Variants in NELL1 observed in about 807,000 individuals in gnomAD.
The protein encoded by NELL1 is protein kinase C-binding protein NELL1.
In NELL1, 76 loss-of-function variants were observed where a neutral mutation model predicts 107.4. The ratio of observed to expected loss-of-function variants is 0.71; its 90% confidence interval spans 0.59 to 0.86. The LOEUF (loss-of-function observed/expected upper bound fraction) is 0.86, where lower values mean the gene tolerates loss of function less well. NELL1 is among the 40% of genes least tolerant of loss of function. The pLI is 0.00. For missense variants in NELL1, 1,024 were observed against 1,005.5 expected, an observed-to-expected ratio of 1.02 and a Z score of -0.25; for synonymous variants, 353 against 341.2, an observed-to-expected ratio of 1.03 and a Z score of -0.38.
intron 2 of NELL1, among the ~76,000 whole-genome samples, chr11:20,717,240 G>A (rs912434804): frequency 2.6e-5 from 4 of 152,130 alleles, no homozygotes; most frequent in Non-Finnish European, 4.4e-5. Flanking sequence ...TACATTGTGA[G>A]GCAGCAAATA....
chr11:20,890,587 C>T (rs997715488), intron 5 of NELL1, among the ~76,000 whole-genome samples: 2 of 151,912 alleles, frequency 1.3e-5, no homozygotes, highest in African/African-American at 4.8e-5. Flanking sequence ...ATGTTCTAAC[C>T]CAATGCAAGG....
chr11:21,409,562 C>G (rs1358642177), intron 15 of NELL1, among the ~76,000 whole-genome samples: 1 of 150,420 alleles, frequency 6.6e-6, no homozygotes, highest in South Asian at 2.1e-4. Context: ...GCACATGTAC[C>G]CTAAAACTTA....
chr11:21,504,341 G>A (rs1347633049), intron 15 of NELL1: 2 of 152,144 alleles, frequency 1.3e-5, no homozygotes, highest in East Asian at 3.8e-4. Flanking sequence ...CCTCACATTA[G>A]CACCATGCAG....
At chr11:21,224,039 G>A (rs1271347852) in intron 13 of NELL1, among the ~76,000 whole-genome samples, 1 of 152,088 alleles carries the variant, frequency 6.6e-6, no homozygotes, top group Non-Finnish European at 1.5e-5. Flanking sequence ...CTGTTAGTCT[G>A]ATGGCATATC....
At chr11:21,438,738 G>A (rs1027477766) in intron 15 of NELL1, among the ~76,000 whole-genome samples, 10 of 151,572 alleles carry the variant, frequency 6.6e-5, no homozygotes, top group Non-Finnish European at 1.2e-4. Context: ...TAGACTACTG[G>A]TAAGGCTGTC....
intron 13 of NELL1, among the ~76,000 whole-genome samples, chr11:21,155,773 G>A (rs1366223973): frequency 6.6e-6 from 1 of 152,116 alleles, no homozygotes; most frequent in East Asian, 1.9e-4. Context: ...TTGGGTGGAA[G>A]GAAATGAGGT....
At chr11:20,991,666 A>AAATGG (rs1254143934) in intron 12 of NELL1, among the ~76,000 whole-genome samples, 2 of 152,134 alleles carry the variant, frequency 1.3e-5, no homozygotes, top group Non-Finnish European at 2.9e-5. Context: ...TGTTTGCATC[A>AAATGG]AATGGCACAT....
intron 4 of NELL1, among the ~76,000 whole-genome samples, chr11:20,875,557 T>C (rs1009518008): frequency 6.6e-6 from 1 of 152,318 alleles, no homozygotes; most frequent in East Asian, 1.9e-4. Context: ...CCCGTGGATA[T>C]ATACACCTAC....
intron 12 of NELL1, among the ~76,000 whole-genome samples, chr11:21,062,874 C>A (rs921466104): frequency 6.6e-5 from 10 of 152,102 alleles, no homozygotes; most frequent in African/African-American, 2.4e-4. Flanking sequence ...GTCGCCCAGA[C>A]TGGGGTGCAT....
At chr11:20,873,261 C>T (rs1469157456) in intron 4 of NELL1, among the ~76,000 whole-genome samples, 3 of 152,106 alleles carry the variant, frequency 2.0e-5, no homozygotes, top group South Asian at 2.1e-4. Context: ...ATGGCGCCAT[C>T]TAGGGAGTGA....
intron 15 of NELL1, among the ~76,000 whole-genome samples, chr11:21,458,097 C>A (rs1417465935): frequency 6.6e-6 from 1 of 151,952 alleles, no homozygotes; most frequent in Non-Finnish European, 1.5e-5. Context: ...AGATGGTATC[C>A]GAAGAGAGAC....
At chr11:20,817,686 G>C (rs1454420014) in intron 3 of NELL1, among the ~76,000 whole-genome samples, 2 of 150,858 alleles carry the variant, frequency 1.3e-5, no homozygotes, top group African/African-American at 4.9e-5. Context: ...TTGCTTTGGG[G>C]TTAGTTTGTT....
At chr11:21,118,523 T>C (rs1184349172) in intron 13 of NELL1, among the ~76,000 whole-genome samples, 1 of 152,082 alleles carries the variant, frequency 6.6e-6, no homozygotes, top group East Asian at 1.9e-4. Flanking sequence ...CTTCCCTTAG[T>C]GGTCATTTGC....
At chr11:21,131,894 G>A (rs1232611183) in intron 13 of NELL1, among the ~76,000 whole-genome samples, 1 of 152,076 alleles carries the variant, frequency 6.6e-6, no homozygotes, top group Non-Finnish European at 1.5e-5. Context: ...CTTGTGACTT[G>A]GAATTGTCAC....
chr11:21,508,987 A>G (rs1449001411), intron 15 of NELL1, among the ~76,000 whole-genome samples: 1 of 152,146 alleles, frequency 6.6e-6, no homozygotes, highest in African/African-American at 2.4e-5. Flanking sequence ...AAAAGTGAAA[A>G]CAGAAGCTAC....
At chr11:21,144,037 T>G (rs1344463166) in intron 13 of NELL1, among the ~76,000 whole-genome samples, 1 of 152,066 alleles carries the variant, frequency 6.6e-6, no homozygotes, top group Non-Finnish European at 1.5e-5. Context: ...AAAGTCTGAT[T>G]TGGAAGGAAA....
intron 2 of NELL1, among the ~76,000 whole-genome samples, chr11:20,681,570 T>G (rs983071000): frequency 1.3e-5 from 2 of 152,120 alleles, no homozygotes; most frequent in African/African-American, 2.4e-5. Context: ...CCGAAGCCTC[T>G]TCCACATTTT....
chr11:20,755,536 TTTTG>T (rs1448279571), intron 2 of NELL1, among the ~76,000 whole-genome samples: 1 of 39,286 alleles, frequency 2.5e-5, no homozygotes, highest in African/African-American at 8.0e-5. Context: ...CTGTGTGGGT[TTTTG>T]TTTTTTTTTG....
intron 12 of NELL1, among the ~76,000 whole-genome samples, chr11:21,082,187 A>G (rs777719609): frequency 1.3e-5 from 2 of 152,140 alleles, no homozygotes; most frequent in Admixed American, 6.6e-5. Context: ...GAATTAGGAC[A>G]TGCTTGTTGG....
Sources: allele counts gnomAD v4.1 joint callset (sites outside exome capture counted in the v4.1 genomes callset), GRCh38; gene constraint gnomAD v4.1.1; transcripts MANE v1.5; gene names NCBI Gene and HGNC (gene_info 2026-07-23, HGNC 2026-07-21).